Variants in ADGRL3 observed in about 807,000 individuals in gnomAD.
ADGRL3 encodes adhesion G protein-coupled receptor L3.
ADGRL3 carries 62 observed loss-of-function variants against 153.5 expected under a neutral mutation model. The ratio of observed to expected loss-of-function variants is 0.40; its 90% CI spans 0.33 to 0.50. The LOEUF (loss-of-function observed/expected upper bound fraction) is 0.50, where lower values mean the gene tolerates loss of function less well. Among genes scored for constraint, ADGRL3 ranks in the 20% least tolerant of loss-of-function variants. The pLI is 0.47. For synonymous variants in ADGRL3, 710 were observed against 672.5 expected, an observed-to-expected ratio of 1.06 and a Z score of -0.86; for missense variants, 1,641 against 1,859.4, an observed-to-expected ratio of 0.88 and a Z score of 2.16.
chr4:61,715,288 C>A (rs962119794), intron 6 of ADGRL3, among the ~76,000 whole-genome samples: 1 of 152,140 alleles, frequency 6.6e-6, no homozygotes, highest in Non-Finnish European at 1.5e-5. Flanking sequence ...ATCTATAAAA[C>A]TTTCTTCCTA....
intron 5 of ADGRL3, among the ~76,000 whole-genome samples, chr4:61,634,499 C>T (rs1001776868): frequency 1.3e-5 from 2 of 152,032 alleles, no homozygotes; most frequent in South Asian, 2.1e-4. Flanking sequence ...ATATTTAATG[C>T]AGTGTGTCTA....
At chr4:61,607,435 T>A (rs1307388586) in intron 5 of ADGRL3, among the ~76,000 whole-genome samples, 1 of 151,840 alleles carries the variant, frequency 6.6e-6, no homozygotes, top group Non-Finnish European at 1.5e-5. Flanking sequence ...CATCTCTACT[T>A]AAACTACAAA....
intron 2 of ADGRL3, among the ~76,000 whole-genome samples, chr4:61,487,910 T>A (rs335292): frequency 0.94 from 143,335 of 151,996 alleles, 68,154 homozygotes; most frequent in East Asian, 1. Context: ...AATTATTTAT[T>A]TACACCTTTA....
At chr4:61,903,836 G>A (rs2098680045) in intron 11 of ADGRL3, among the ~76,000 whole-genome samples, 1 of 151,782 alleles carries the variant, frequency 6.6e-6, no homozygotes, top group Non-Finnish European at 1.5e-5. Context: ...GCTGTGGCAT[G>A]GCCATGTCTC....
intron 4 of ADGRL3, among the ~76,000 whole-genome samples, chr4:61,567,929 ACTT>A (rs951004921): frequency 1.5e-4 from 23 of 152,152 alleles, no homozygotes; most frequent in African/African-American, 5.5e-4. Context: ...TTAGATTGCT[ACTT>A]CTTCCTTATT....
chr4:61,446,850 A>G lies in ADGRL3; in HGVS notation c.-173-50271A>G, dbSNP rs572414041. On this transcript the variant is annotated intron_variant, in intron 2 of 26. Transcript: ENST00000683033. Reference sequence around the variant, plus strand: ...CATTTGTTTTCCCTACTTGCTATAGAAGAGTAATAATTGCATTACAATAAA... The same window carrying G: ...CATTTGTTTTCCCTACTTGCTATAGGAGAGTAATAATTGCATTACAATAAA... Among the ~76,000 whole-genome samples the G allele has an allele frequency of 5.9e-5, 9 of 152,314 alleles. No individual in the cohort carries two copies. The South Asian group carries it at 1.9e-3, about 32-fold the overall frequency.
At chr4:61,819,413 G>A (rs997634488) in intron 9 of ADGRL3, among the ~76,000 whole-genome samples, 7 of 151,738 alleles carry the variant, frequency 4.6e-5, no homozygotes, top group African/African-American at 7.3e-5. Flanking sequence ...AATTTCATAC[G>A]TATTGAAAAT....
intron 3 of ADGRL3, among the ~76,000 whole-genome samples, chr4:61,502,715 A>C (rs1430274754): frequency 6.6e-6 from 1 of 152,146 alleles, no homozygotes; most frequent in East Asian, 1.9e-4. Context: ...TTAAGATAAT[A>C]GTCATATATT....
chr4:61,434,253 T>A (rs531591953), intron 2 of ADGRL3, among the ~76,000 whole-genome samples: 1 of 152,188 alleles, frequency 6.6e-6, no homozygotes, highest in South Asian at 2.1e-4. Context: ...ACTATGATAA[T>A]GAGGTCTGCA....
At chr4:61,656,880 CTGT>C (rs1452895599) in intron 5 of ADGRL3, among the ~76,000 whole-genome samples, 1 of 152,150 alleles carries the variant, frequency 6.6e-6, no homozygotes, top group Non-Finnish European at 1.5e-5. Context: ...TAATTTTTCT[CTGT>C]TGCTATTTTC....
intron 9 of ADGRL3, among the ~76,000 whole-genome samples, chr4:61,825,177 C>A (rs892057085): frequency 6.6e-6 from 1 of 152,086 alleles, no homozygotes. Context: ...TAGGTGGAGT[C>A]AAATGTAAGT....
intron 21 of ADGRL3, among the ~76,000 whole-genome samples, chr4:62,005,071 A>G (rs1339429509): frequency 1.3e-5 from 2 of 152,140 alleles, no homozygotes; most frequent in South Asian, 2.1e-4. Flanking sequence ...AGACTTTCCT[A>G]AGGTAATAGT....
chr4:61,321,801 T>C (rs1423619337), intron 1 of ADGRL3, among the ~76,000 whole-genome samples: 1 of 152,154 alleles, frequency 6.6e-6, no homozygotes, highest in Non-Finnish European at 1.5e-5. Context: ...GAGTGAAATG[T>C]TGTTATATGG....
rs781434551 is a variant in ADGRL3 at position 61,497,298 on chromosome 4, G to T, written c.5G>T (p.Trp2Leu). The T allele has an allele frequency of 6.3e-7, 1 of 1,599,930 alleles. No homozygotes were observed. The highest frequency in any genetic ancestry group is 8.5e-7 in the Non-Finnish European group (1 of 1,172,716). The change falls in exon 3 of 27, where the codon TGG becomes TTG. Residue 2 changes from tryptophan (W) to leucine (L), a missense_variant. Transcript: ENST00000683033. M[W>L]PSQLLIFMML... Reference sequence around the variant, plus strand: ...TCCATACCTGAGTAGACAGCCATGTGGCCATCGCAGCTACTAATTTTCATG... The same window carrying T: ...TCCATACCTGAGTAGACAGCCATGTTGCCATCGCAGCTACTAATTTTCATG...
At position 61,852,773 on chromosome 4, in the gene ADGRL3, G is replaced by A. The variant is rs977174883; in HGVS notation, c.1480+38884G>A. Among the ~76,000 whole-genome samples, 6 of 151,828 alleles carry A rather than the reference G, an allele frequency of 4.0e-5. No individual in the cohort carries two copies. The South Asian group carries it at 1.2e-3, about 31-fold the overall frequency. ...AAAAGTGTGTAGAATTACTGAGTAG[G>A]TATTTCTCTCCATAGAGGAATCCTG... On this transcript the variant is annotated intron_variant, in intron 9 of 26. Coordinates refer to ENST00000683033, the MANE Select transcript of ADGRL3 (RefSeq NM_001387552.1).
intron 4 of ADGRL3, among the ~76,000 whole-genome samples, chr4:61,534,695 G>T (rs189721065): frequency 6.6e-6 from 1 of 152,056 alleles, no homozygotes; most frequent in South Asian, 2.1e-4. Flanking sequence ...TTATTTTTGT[G>T]TGTGGATATT....
At chr4:61,939,222 T>C (rs1043218593) in intron 15 of ADGRL3, among the ~76,000 whole-genome samples, 1 of 152,144 alleles carries the variant, frequency 6.6e-6, no homozygotes, top group African/African-American at 2.4e-5. Flanking sequence ...TTCTTGTGTG[T>C]TTTCCTTAAC....
At chr4:61,465,083 T>A (rs1464443199) in intron 2 of ADGRL3, among the ~76,000 whole-genome samples, 2 of 152,112 alleles carry the variant, frequency 1.3e-5, no homozygotes, top group Non-Finnish European at 2.9e-5. Flanking sequence ...GAAAATAAAT[T>A]TAAGTGAATT....
chr4:62,064,409 C>T (rs1577736947), intron 25 of ADGRL3, among the ~76,000 whole-genome samples: 1 of 151,246 alleles, frequency 6.6e-6, no homozygotes, highest in Non-Finnish European at 1.5e-5. Flanking sequence ...TTTTACCTTT[C>T]CCGAGTATAA....
Sources: allele counts gnomAD v4.1 joint callset (sites outside exome capture counted in the v4.1 genomes callset), GRCh38; gene constraint gnomAD v4.1.1; transcripts MANE v1.5; gene names NCBI Gene and HGNC (gene_info 2026-07-23, HGNC 2026-07-21).